Variants in NID1 observed in about 807,000 individuals in gnomAD.
NID1 encodes the protein nidogen 1, also known as nidogen-1.
In NID1, 76 loss-of-function variants were observed where a neutral mutation model predicts 130.6. The observed-to-expected ratio is 0.58, with a 90% confidence interval of 0.48 to 0.70. The LOEUF (loss-of-function observed/expected upper bound fraction) is 0.70, where lower values mean the gene tolerates loss of function less well. Ranked by LOEUF, NID1 falls within the 30% of genes least tolerant of loss-of-function variation. NID1 has a pLI of 0.00. For synonymous variants in NID1, 665 were observed against 675.1 expected (o/e 0.98, Z 0.23); for missense variants, 1,517 against 1,664.8 (o/e 0.91, Z 1.54).
In NID1 at chr1:236,041,931, C is replaced by A. The variant is rs752577788; in HGVS notation, c.1114G>T (p.Glu372Ter). 6.2e-6 allele frequency: 10 copies of A among 1,609,334 alleles called. No homozygotes were observed. The highest frequency in any genetic ancestry group is 8.5e-6 in the Non-Finnish European group (10 of 1,177,140). ...QQHPQVIDVD[E>*]VEETGVVFSY... ...TTACCAACTCCTGTTTCCTCAACTT[C>A]ATCCACATCTATGACCTGAGGGTGC... Residue 372 changes from glutamate to a stop codon, truncating the protein, a stop_gained, in exon 4 of 20, where the codon GAA (glutamate) becomes TAA (stop). Transcript: ENST00000264187. LOFTEE classifies it high-confidence loss of function.
At chr1:236,055,418 G>T (rs1003398556) in intron 1 of NID1, among the ~76,000 whole-genome samples, 5 of 152,008 alleles carry the variant, frequency 3.3e-5, no homozygotes, top group Non-Finnish European at 5.9e-5. Flanking sequence ...TGTTGGAGCT[G>T]GTAATGGATA....
At chr1:235,989,692 T>G (rs948978823) in intron 14 of NID1, among the ~76,000 whole-genome samples, 1 of 152,232 alleles carries the variant, frequency 6.6e-6, no homozygotes, top group Non-Finnish European at 1.5e-5. Flanking sequence ...CATAAAGAGC[T>G]AGAGAGCAGT....
At chr1:235,981,859 T>C in intron 15 of NID1, 77 bp from the exon 16 acceptor site, 1 of 1,345,146 alleles carries the variant, frequency 7.4e-7, no homozygotes. Flanking sequence ...GAATACTCAA[T>C]GTTATTTCAC....
In NID1 at chr1:236,013,380, C is replaced by T. The variant is rs562181406; in HGVS notation, c.2404+31G>A. On this transcript the variant is annotated intron_variant, in intron 11 of 19. Coordinates refer to ENST00000264187, the MANE Select transcript of NID1 (RefSeq NM_002508.3). Reference sequence around the variant, plus strand: ...CCACCTAGGAAACTTTCTCAGGTTACACACAGGGGAAGATCAGAGCAACCA... The same window carrying T: ...CCACCTAGGAAACTTTCTCAGGTTATACACAGGGGAAGATCAGAGCAACCA... 189 of 1,611,736 alleles carry T rather than the reference C, an allele frequency of 1.2e-4. No homozygotes were observed. In the South Asian group the frequency reaches 2.0e-3, roughly 17 times the overall value.
intron 3 of NID1, among the ~76,000 whole-genome samples, chr1:236,045,154 G>T (rs576390396): frequency 7.0e-6 from 1 of 143,318 alleles, no homozygotes; most frequent in East Asian, 2.1e-4. Context: ...AGTCGAGATT[G>T]TGCCATTGCA....
intron 12 of NID1, 39 bp downstream of exon 12, chr1:236,011,882 G>A (rs1658435568): frequency 6.2e-7 from 1 of 1,610,998 alleles, no homozygotes; most frequent in Non-Finnish European, 8.5e-7. Context: ...TCATGGACAG[G>A]GCAATGGGCT....
At chr1:235,984,044 GT>G (rs1453356362) in intron 15 of NID1, among the ~76,000 whole-genome samples, 2 of 151,702 alleles carry the variant, frequency 1.3e-5, no homozygotes, top group Admixed American at 1.3e-4. Flanking sequence ...TCACATTTTG[GT>G]TTAATTCTGT....
chr1:236,053,239 G>A (rs901693791), intron 1 of NID1, among the ~76,000 whole-genome samples: 1 of 152,176 alleles, frequency 6.6e-6, no homozygotes, highest in Non-Finnish European at 1.5e-5. Context: ...TACTAGAAGT[G>A]TTTTGGGCTT....
At chr1:236,025,192 T>C (rs12124312) in intron 8 of NID1, among the ~76,000 whole-genome samples, 21,080 of 151,290 alleles carry the variant, frequency 0.14, 2,600 homozygotes, top group East Asian at 0.42. Context: ...CCTCAGGTGA[T>C]CCGCCCTCTT....
chr1:235,998,780 C>G (rs1368339256), intron 12 of NID1, among the ~76,000 whole-genome samples: 2 of 152,180 alleles, frequency 1.3e-5, no homozygotes, highest in Non-Finnish European at 2.9e-5. Context: ...TAAGCTGTTT[C>G]CATTCACAGA....
chr1:236,064,498 G>A, intron 1 of NID1: 1 of 235,328 alleles, frequency 4.2e-6, no homozygotes, highest in Non-Finnish European at 8.3e-6. Flanking sequence ...CCCGGGACCG[G>A]CCAGGTCCTA....
At chr1:236,033,612 T>C (rs1659163012) in intron 5 of NID1, among the ~76,000 whole-genome samples, 1 of 152,134 alleles carries the variant, frequency 6.6e-6, no homozygotes, top group African/African-American at 2.4e-5. Context: ...TTTAGACAAC[T>C]GGGAACGATG....
chr1:236,044,847 A>AAG (rs1553349014), intron 3 of NID1, among the ~76,000 whole-genome samples: 74,378 of 151,526 alleles, frequency 0.49, 18,895 homozygotes, highest in East Asian at 0.68. Flanking sequence ...CCTTGAGATC[A>AAG]AAGGAGATAG....
chr1:236,045,529 C>A lies in NID1; in HGVS notation c.680G>T (p.Gly227Val). 6.2e-7 allele frequency: 1 copy of A among 1,614,128 alleles called. No homozygotes were observed. The highest frequency in any genetic ancestry group is 8.5e-7 in the Non-Finnish European group (1 of 1,180,030). Residue 227 changes from glycine (G) to valine (V), a missense_variant, in exon 3 of 20, where the codon GGA (glycine) becomes GTA (valine). Transcript: ENST00000264187. ...AGCTCCGTTGCTCTTCCATAAGAAT[C>A]CCACTGAACCTTGACTGAATGCAAC... The part of the protein sequence containing the change: ...AVVAFSQGSV[G>V]FLWKSNGAYN...
At chr1:235,985,821 C>A (rs1198067362) in intron 14 of NID1, among the ~76,000 whole-genome samples, 3 of 151,600 alleles carry the variant, frequency 2.0e-5, no homozygotes, top group Admixed American at 2.0e-4. Flanking sequence ...AGTGTAGTGG[C>A]GTGATTACTG....
At chr1:236,018,409 G>A (rs1658662880) in intron 9 of NID1, among the ~76,000 whole-genome samples, 1 of 152,204 alleles carries the variant, frequency 6.6e-6, no homozygotes, top group Non-Finnish European at 1.5e-5. Context: ...ATACTAACTA[G>A]AGATTCATCC....
At chr1:236,009,919 T>G (rs938815250) in intron 12 of NID1, among the ~76,000 whole-genome samples, 1 of 152,224 alleles carries the variant, frequency 6.6e-6, no homozygotes, top group Non-Finnish European at 1.5e-5. Flanking sequence ...CAGCCCTTAT[T>G]GGTTTTAACT....
intron 8 of NID1, 123 bp from the exon 9 acceptor site, chr1:236,024,336 T>A: frequency 1.7e-6 from 2 of 1,163,902 alleles, no homozygotes; most frequent in South Asian, 1.5e-5. Flanking sequence ...CAGAGTGGAA[T>A]GGGACACCAG....
At chr1:236,021,486 C>A (rs1383745085) in intron 9 of NID1, among the ~76,000 whole-genome samples, 1 of 152,198 alleles carries the variant, frequency 6.6e-6, no homozygotes, top group East Asian at 1.9e-4. Context: ...GAAGCCAACA[C>A]CGCGAGGCCC....
Sources: allele counts gnomAD v4.1 joint callset (sites outside exome capture counted in the v4.1 genomes callset), GRCh38; gene constraint gnomAD v4.1.1; transcripts MANE v1.5; gene names NCBI Gene and HGNC (gene_info 2026-07-23, HGNC 2026-07-21).